Variants in MICOS10 observed in about 807,000 individuals in gnomAD.
MICOS10 encodes mitochondrial contact site and cristae organizing system subunit 10, also known as MICOS complex subunit MIC10.
In MICOS10, 5 loss-of-function variants were observed where a neutral mutation model predicts 13.4. That is an observed-to-expected ratio of 0.37 (90% CI 0.20 to 0.78). MICOS10 has a LOEUF of 0.78. Ranked by LOEUF, MICOS10 falls within the 30% of genes least tolerant of loss-of-function variation. MICOS10 has a pLI of 0.47. For synonymous variants in MICOS10, 35 were observed against 33.6 expected, an observed-to-expected ratio of 1.04 and a Z score of -0.15; for missense variants, 101 against 94.6, an observed-to-expected ratio of 1.07 and a Z score of -0.28.
chr1:19,613,526 C>T (rs10917500), intron 1 of MICOS10, among the ~76,000 whole-genome samples: 10,599 of 152,190 alleles, frequency 0.07, 1,215 homozygotes, highest in African/African-American at 0.24. Context: ...TTTGGGTATC[C>T]TCAGTGCTCC....
intron 1 of MICOS10, chr1:19,600,667 T>A (rs2094810664): frequency 2.9e-6 from 1 of 342,960 alleles, no homozygotes; most frequent in South Asian, 2.2e-5. Flanking sequence ...AGTGGTGCAA[T>A]CACAGCTCAC....
chr1:19,617,997 A>G (rs150978313), intron 1 of MICOS10, among the ~76,000 whole-genome samples: 109 of 152,174 alleles, frequency 7.2e-4, no homozygotes, highest in African/African-American at 2.5e-3. Context: ...AATACAGTCA[A>G]CTGTGCAAAG....
intron 1 of MICOS10, 48 bp from the exon 2 acceptor site, chr1:19,622,052 T>A: frequency 7.2e-7 from 1 of 1,385,834 alleles, no homozygotes; most frequent in Non-Finnish European, 1.0e-6. Flanking sequence ...GTTATCTTTG[T>A]GAAGTTACTG....
In MICOS10 at chr1:19,622,158, C is replaced by G; in HGVS notation, c.112+11C>G. On this transcript the variant is annotated intron_variant, in intron 2 of 3. Coordinates refer to ENST00000322753, the MANE Select transcript of MICOS10 (RefSeq NM_001032363.4). ...TTACCTTCTTTAAAAGTAAGTGTCA[C>G]TCTGTCTTTTCAACATAATGTCATA... 6.2e-7 allele frequency: 1 copy of G among 1,603,390 alleles called. No homozygotes were observed. Among genetic ancestry groups the G allele is most frequent in the Non-Finnish European group, 8.5e-7 (1 of 1,171,250 alleles).
intron 3 of MICOS10, among the ~76,000 whole-genome samples, chr1:19,625,834 C>T (rs1470243917): frequency 6.6e-6 from 1 of 152,162 alleles, no homozygotes; most frequent in Admixed American, 6.5e-5. Flanking sequence ...TGTTGTCATC[C>T]TCCATTCCCT....
At chr1:19,602,277 G>T (rs935787158) in intron 1 of MICOS10, among the ~76,000 whole-genome samples, 6 of 152,176 alleles carry the variant, frequency 3.9e-5, no homozygotes, top group Admixed American at 2.0e-4. Flanking sequence ...TTCTCAGAGT[G>T]TGTTTATTAA....
intron 3 of MICOS10, chr1:19,625,706 A>T: frequency 1.7e-6 from 2 of 1,191,136 alleles, no homozygotes; most frequent in Non-Finnish European, 2.1e-6. Context: ...GATTATATGC[A>T]TATTATGTAT....
At chr1:19,608,088 G>T (rs1369459440) in intron 1 of MICOS10, 5 of 870,256 alleles carry the variant, frequency 5.7e-6, no homozygotes, top group Admixed American at 1.7e-5. Context: ...GCTTTCCCGT[G>T]TGGAGTCTGG....
intron 1 of MICOS10, among the ~76,000 whole-genome samples, chr1:19,611,472 T>A: frequency 7.2e-6 from 1 of 139,686 alleles, no homozygotes; most frequent in South Asian, 2.3e-4. Flanking sequence ...CAACTTGATT[T>A]TTTTTTTTTT....
In MICOS10 at chr1:19,629,650, TGGA is replaced by T. The variant is rs1238015877; in HGVS notation, c.*3254_*3256del. The stretch of plus-strand genomic sequence containing the variant: ...TTGTAAGAAATGCAGGGGTTGGGAA[TGGA>T]GGAGATGACGATGTAGTTTTGCTTT... On this transcript the variant is annotated 3_prime_UTR_variant, in exon 4 of 4. Transcript: ENST00000322753. 2.0e-5 allele frequency: 3 copies of T among 152,320 alleles called. No individual in the cohort carries two copies. The East Asian group carries it at 5.8e-4, about 29-fold the overall frequency. 9.4% of individuals were successfully genotyped at this position (152,320 alleles called of 1,614,324 possible). A position where few individuals can be genotyped will look rare whatever the true frequency, so the allele number is the denominator to read the frequency against.
chr1:19,610,940 T>G (rs1404134250), intron 1 of MICOS10, among the ~76,000 whole-genome samples: 3 of 150,520 alleles, frequency 2.0e-5, no homozygotes, highest in Non-Finnish European at 2.9e-5. Context: ...TAGGAATTTT[T>G]TATTTATTTC....
intron 3 of MICOS10, among the ~76,000 whole-genome samples, chr1:19,624,993 C>T (rs909756687): frequency 6.6e-6 from 1 of 152,134 alleles, no homozygotes; most frequent in African/African-American, 2.4e-5. Flanking sequence ...TCACTGTGAA[C>T]GGGGCTGCAG....
chr1:19,610,137 T>G (rs920765068), intron 1 of MICOS10, among the ~76,000 whole-genome samples: 7 of 152,066 alleles, frequency 4.6e-5, no homozygotes, highest in African/African-American at 1.7e-4. Context: ...TGAGACTCCA[T>G]TTCAAAAAGA....
intron 1 of MICOS10, among the ~76,000 whole-genome samples, chr1:19,621,424 G>T (rs1472400518): frequency 6.6e-6 from 1 of 152,150 alleles, no homozygotes; most frequent in Non-Finnish European, 1.5e-5. Flanking sequence ...TCCCTTGAGG[G>T]GTAGTAATTG....
intron 1 of MICOS10, among the ~76,000 whole-genome samples, chr1:19,611,660 T>A (rs1477166839): frequency 6.6e-6 from 1 of 151,798 alleles, no homozygotes; most frequent in African/African-American, 2.4e-5. Flanking sequence ...TTATTTTAGC[T>A]CATAACTTCT....
At position 19,626,454 on chromosome 1, in the gene MICOS10, C is replaced by G; in HGVS notation, c.*53C>G. ...GACAAGAGAAATCATGTTTATTCCT[C>G]AGGAATACTGAAGTGCCCTGGAGTA... On this transcript the variant is annotated 3_prime_UTR_variant, in exon 4 of 4. Coordinates refer to ENST00000322753, the MANE Select transcript of MICOS10 (RefSeq NM_001032363.4). The G allele has an allele frequency of 1.9e-6, 3 of 1,595,320 alleles. No homozygotes were observed. The highest frequency in any genetic ancestry group is 2.6e-6 in the Non-Finnish European group (3 of 1,163,384).
At chr1:19,608,413 A>G in intron 1 of MICOS10, 1 of 1,259,170 alleles carries the variant, frequency 7.9e-7, no homozygotes, top group East Asian at 2.3e-5. Context: ...TCCGGGCCAC[A>G]GGAGGAAATA....
At chr1:19,617,951 CCGATGTGTCATATAAA>C (rs2094890342) in intron 1 of MICOS10, among the ~76,000 whole-genome samples, 1 of 151,652 alleles carries the variant, frequency 6.6e-6, no homozygotes, top group Admixed American at 6.6e-5. Flanking sequence ...ACAGCAAAGC[CCGATGTGTCATATAAA>C]CAATTACTGA....
At chr1:19,618,840 A>G (rs1056426350) in intron 1 of MICOS10, among the ~76,000 whole-genome samples, 3 of 152,244 alleles carry the variant, frequency 2.0e-5, no homozygotes, top group African/African-American at 7.2e-5. Context: ...CATATTTGTG[A>G]ACTGCCAGTT....
Sources: gnomAD v4.1 joint callset for allele counts (sites outside exome capture counted in the v4.1 genomes callset) on GRCh38, gnomAD v4.1.1 for gene constraint, MANE v1.5 for transcripts, NCBI Gene and HGNC (gene_info 2026-07-23, HGNC 2026-07-21) for gene names.